Variants in SGMS2 observed in about 807,000 individuals in gnomAD.
SGMS2 encodes the protein sphingomyelin synthase 2.
A neutral mutation model predicts 43.8 loss-of-function variants in SGMS2; 21 were observed. The observed-to-expected ratio is 0.48, with a 90% CI of 0.34 to 0.69. The LOEUF is 0.69. Among genes scored for constraint, SGMS2 ranks in the 30% least tolerant of loss-of-function variants. SGMS2 has a pLI of 0.01. For missense variants in SGMS2, 384 were observed against 443.2 expected, an observed-to-expected ratio of 0.87 and a Z score of 1.20; for synonymous variants, 167 against 160.6, an observed-to-expected ratio of 1.04 and a Z score of -0.30.
intron 2 of SGMS2, among the ~76,000 whole-genome samples, chr4:107,888,912 T>C (rs1219066434): frequency 6.6e-6 from 1 of 152,220 alleles, no homozygotes; most frequent in Non-Finnish European, 1.5e-5. Flanking sequence ...AGATTATTTA[T>C]GAAAACTGTG....
chr4:107,896,178 A>G lies in SGMS2; in HGVS notation c.455+170A>G, dbSNP rs573371369. On this transcript the variant is annotated intron_variant, in intron 3 of 6. Coordinates refer to ENST00000690982, the MANE Select transcript of SGMS2 (RefSeq NM_001375905.1). ...ACCACATTGAATAAATTCAGTCACTATTCAGTAAGTGTTTGATGAGCAACT... is the reference window on the plus strand; with the variant it reads ...ACCACATTGAATAAATTCAGTCACTGTTCAGTAAGTGTTTGATGAGCAACT... Among the ~76,000 whole-genome samples, 7 of 152,298 alleles carry G rather than the reference A, an allele frequency of 4.6e-5. No individual in the cohort carries two copies. In the East Asian group the frequency reaches 9.6e-4, roughly 21 times the overall value.
intron 5 of SGMS2, 94 bp from the exon 6 acceptor site, chr4:107,908,471 C>A: frequency 8.0e-7 from 1 of 1,245,072 alleles, no homozygotes. Context: ...CTTCCTGATC[C>A]TGGGTTATTC....
In SGMS2 at chr4:107,910,840, T is replaced by G. The variant is rs1560680220; in HGVS notation, c.*287T>G. 1 of 281,890 alleles carries G rather than the reference T, an allele frequency of 3.5e-6. No individual in the cohort carries two copies. The highest frequency in any genetic ancestry group is 6.6e-6 in the Non-Finnish European group (1 of 150,386). 17.5% of individuals were successfully genotyped at this position (281,890 alleles called of 1,614,324 possible). On this transcript the variant is annotated 3_prime_UTR_variant, in exon 7 of 7. Coordinates refer to ENST00000690982, the MANE Select transcript of SGMS2 (RefSeq NM_001375905.1). ...AGGTGCCAAAGAACATATTCCTCCT[T>G]TCTTTATTCTTTCTCCACCAAAACC...
chr4:107,851,430 A>G (rs1727139432), intron 1 of SGMS2, among the ~76,000 whole-genome samples: 1 of 152,236 alleles, frequency 6.6e-6, no homozygotes, highest in African/African-American at 2.4e-5. Flanking sequence ...AGGTAGTCCA[A>G]GTAATTACCA....
At chr4:107,876,849 G>A (rs140161243) in intron 2 of SGMS2, among the ~76,000 whole-genome samples, 2,765 of 152,222 alleles carry the variant, frequency 0.018, 45 homozygotes, top group Non-Finnish European at 0.03. Context: ...TACTTAGAAG[G>A]AGATCTCTAG....
chr4:107,896,222 G>A (rs1480412097), intron 3 of SGMS2, among the ~76,000 whole-genome samples: 1 of 152,178 alleles, frequency 6.6e-6, no homozygotes, highest in Admixed American at 6.5e-5. Flanking sequence ...AAGTGGCAGT[G>A]TACAGCAGTA....
chr4:107,863,818 A>G (rs945775512), intron 2 of SGMS2: 14 of 152,250 alleles, frequency 9.2e-5, no homozygotes, highest in African/African-American at 3.4e-4. Context: ...GGGCTCTGTG[A>G]CATATATGGA....
intron 3 of SGMS2, among the ~76,000 whole-genome samples, chr4:107,898,547 A>G (rs138657108): frequency 2.6e-5 from 4 of 152,262 alleles, no homozygotes; most frequent in African/African-American, 9.6e-5. Flanking sequence ...GCAGTAATGA[A>G]GTTACACCTA....
intron 1 of SGMS2, among the ~76,000 whole-genome samples, chr4:107,831,109 G>T (rs1228598443): frequency 3.9e-5 from 6 of 152,180 alleles, no homozygotes; most frequent in African/African-American, 1.4e-4. Flanking sequence ...AGTAGCCAAG[G>T]GTACAGAGCT....
chr4:107,869,888 T>A (rs1447219127), intron 2 of SGMS2, among the ~76,000 whole-genome samples: 2 of 152,176 alleles, frequency 1.3e-5, no homozygotes, highest in Non-Finnish European at 2.9e-5. Flanking sequence ...GACTTTTGGG[T>A]CATAGGGAGC....
intron 2 of SGMS2, among the ~76,000 whole-genome samples, chr4:107,890,756 A>G (rs1730141936): frequency 6.6e-6 from 1 of 152,128 alleles, no homozygotes; most frequent in Non-Finnish European, 1.5e-5. Flanking sequence ...AAACACATGT[A>G]AACGTACAGA....
At chr4:107,833,127 G>A (rs1265670432) in intron 1 of SGMS2, among the ~76,000 whole-genome samples, 2 of 152,228 alleles carry the variant, frequency 1.3e-5, no homozygotes, top group South Asian at 4.2e-4. Context: ...GTGATGATCC[G>A]GGAAGGAAGC....
chr4:107,908,893 C>A (rs1731844306), intron 6 of SGMS2, among the ~76,000 whole-genome samples, 162 bp downstream of exon 6: 1 of 152,056 alleles, frequency 6.6e-6, no homozygotes, highest in African/African-American at 2.4e-5. Flanking sequence ...AAGAACTTCA[C>A]AAATATAAAT....
At chr4:107,883,312 A>G (rs998796623) in intron 2 of SGMS2, among the ~76,000 whole-genome samples, 3 of 151,992 alleles carry the variant, frequency 2.0e-5, no homozygotes, top group African/African-American at 7.3e-5. Context: ...TCTTAATTTG[A>G]TACTTCTTTT....
chr4:107,829,624 TA>T (rs1725775635), intron 1 of SGMS2, among the ~76,000 whole-genome samples: 1 of 152,256 alleles, frequency 6.6e-6, no homozygotes, highest in East Asian at 1.9e-4. Context: ...TGTGTTTATT[TA>T]AATTGATATC....
chr4:107,879,960 A>G (rs975754534), intron 2 of SGMS2, among the ~76,000 whole-genome samples: 8 of 152,184 alleles, frequency 5.3e-5, no homozygotes, highest in African/African-American at 1.7e-4. Context: ...ATTCTCAGAT[A>G]ACCACTAATT....
chr4:107,855,435 T>A (rs902386903), intron 1 of SGMS2, among the ~76,000 whole-genome samples: 3 of 152,214 alleles, frequency 2.0e-5, no homozygotes, highest in Non-Finnish European at 4.4e-5. Context: ...TCCTTCTTAA[T>A]TTCTTTGTTG....
intron 1 of SGMS2, among the ~76,000 whole-genome samples, chr4:107,855,937 C>T (rs1271091952): frequency 2.0e-5 from 3 of 152,082 alleles, no homozygotes; most frequent in Non-Finnish European, 4.4e-5. Context: ...AAGTATCATG[C>T]CTGGAGCCAT....
intron 1 of SGMS2, among the ~76,000 whole-genome samples, chr4:107,832,214 T>A (rs937692446): frequency 2.6e-5 from 4 of 152,196 alleles, no homozygotes; most frequent in Non-Finnish European, 5.9e-5. Flanking sequence ...AATATACCAG[T>A]TCTTCTGCAT....
Sources: gnomAD v4.1 joint callset for allele counts (sites outside exome capture counted in the v4.1 genomes callset) on GRCh38, gnomAD v4.1.1 for gene constraint, MANE v1.5 for transcripts, NCBI Gene and HGNC (gene_info 2026-07-23, HGNC 2026-07-21) for gene names.